The following GNAQ variants were observed in gnomAD, a reference collection of about 807,000 sequenced individuals.
The protein encoded by GNAQ is guanine nucleotide-binding protein G(q) subunit alpha.
A neutral mutation model predicts 43.9 loss-of-function variants in GNAQ; 8 were observed. That is an observed-to-expected ratio of 0.18 (90% CI 0.11 to 0.33). GNAQ has a LOEUF of 0.33. Among genes scored for constraint, GNAQ ranks in the 10% least tolerant of loss-of-function variants. GNAQ has a pLI of 1.00. For synonymous variants in GNAQ, 155 were observed against 170.7 expected (o/e 0.91, Z 0.71); for missense variants, 158 against 450.8 (o/e 0.35, Z 5.88).
chr9:78,019,547 T>C (rs1213737700), intron 1 of GNAQ, among the ~76,000 whole-genome samples: 1 of 152,246 alleles, frequency 6.6e-6, no homozygotes, highest in Non-Finnish European at 1.5e-5. Flanking sequence ...TACTGAGTTT[T>C]TCTCTCAAAT....
intron 2 of GNAQ, 96 bp downstream of exon 2, chr9:77,922,065 T>C: frequency 2.8e-6 from 2 of 705,918 alleles, no homozygotes; most frequent in African/African-American, 1.7e-5. Context: ...AACCCCCCTA[T>C]GCACTCCAGA....
At chr9:77,748,856 C>T (rs1437898965) in intron 5 of GNAQ, among the ~76,000 whole-genome samples, 1 of 152,134 alleles carries the variant, frequency 6.6e-6, no homozygotes. Flanking sequence ...GTACTGGAGC[C>T]AGTCCAGATG....
chr9:77,899,045 T>G (rs1828549751), intron 2 of GNAQ, among the ~76,000 whole-genome samples: 1 of 152,194 alleles, frequency 6.6e-6, no homozygotes, highest in Non-Finnish European at 1.5e-5. Context: ...TGTTTCCAAA[T>G]TTTCACTATT....
chr9:78,020,760 G>T (rs539007423), intron 1 of GNAQ, among the ~76,000 whole-genome samples: 1 of 152,070 alleles, frequency 6.6e-6, no homozygotes, highest in East Asian at 1.9e-4. Flanking sequence ...CAAGCCCCAC[G>T]GGACTCCCTA....
At position 77,944,681 on chromosome 9, in the gene GNAQ, T is replaced by C. The variant is rs151117027; in HGVS notation, c.137-22336A>G. On this transcript the variant is annotated intron_variant, in intron 1 of 6. Coordinates refer to ENST00000286548, the MANE Select transcript of GNAQ (RefSeq NM_002072.5). ...CGCAAGAGAAATCTGGTCTGCCACT[T>C]TGACACTAACTTAGCTTGCCCAGTG... 8.0e-3 allele frequency among the ~76,000 whole-genome samples: 1,218 copies of C among 152,282 alleles called. 13 individuals are homozygous for C. Among genetic ancestry groups the C allele is most frequent in the African/African-American group, 0.028 (1,156 of 41,542 alleles).
chr9:77,725,231 G>A (rs1169608867), intron 6 of GNAQ, among the ~76,000 whole-genome samples: 2 of 152,146 alleles, frequency 1.3e-5, no homozygotes, highest in South Asian at 2.1e-4. Context: ...ATCACAGCAG[G>A]AGCAGAATTC....
chr9:77,810,228 A>G (rs1224136869), intron 3 of GNAQ, among the ~76,000 whole-genome samples: 2 of 148,846 alleles, frequency 1.3e-5, no homozygotes, highest in Non-Finnish European at 3.0e-5. Flanking sequence ...CTATCTATCT[A>G]TCTATCTATC....
At chr9:77,999,160 G>C (rs1051090669) in intron 1 of GNAQ, among the ~76,000 whole-genome samples, 3 of 149,248 alleles carry the variant, frequency 2.0e-5, no homozygotes, top group African/African-American at 4.9e-5. Context: ...GGGTCAATCT[G>C]GCACAACTGT....
At chr9:77,962,101 A>T (rs925114402) in intron 1 of GNAQ, among the ~76,000 whole-genome samples, 1 of 152,188 alleles carries the variant, frequency 6.6e-6, no homozygotes, top group Admixed American at 6.5e-5. Context: ...GAACCTGATG[A>T]CACAAAAATA....
chr9:77,800,651 T>G (rs995802311), intron 3 of GNAQ, among the ~76,000 whole-genome samples: 16 of 152,152 alleles, frequency 1.1e-4, no homozygotes, highest in Non-Finnish European at 5.9e-5. Flanking sequence ...GCATGGCACA[T>G]GTATACATAT....
rs34540195 is a variant in GNAQ at position 77,778,214 on chromosome 9, T to TACACAC, written c.735+16243_735+16248dup. On this transcript the variant is annotated intron_variant, in intron 5 of 6. Coordinates refer to ENST00000286548, the MANE Select transcript of GNAQ (RefSeq NM_002072.5). Reference sequence around the variant, plus strand: ...TTATATATACATAGTTTTACACGTTTACACACACACACACACACACACACA... The same window carrying TACACAC: ...TTATATATACATAGTTTTACACGTTTACACACACACACACACACACACACACACACA... Among the ~76,000 whole-genome samples, 132 of 149,614 alleles carry TACACAC rather than the reference T, an allele frequency of 8.8e-4. 1 individual carries two copies. In the East Asian group the frequency reaches 0.011, roughly 12 times the overall value.
At chr9:77,838,070 G>C (rs1827420554) in intron 2 of GNAQ, among the ~76,000 whole-genome samples, 1 of 149,308 alleles carries the variant, frequency 6.7e-6, no homozygotes, top group Admixed American at 6.7e-5. Context: ...GGCTGGTCTT[G>C]AACTCCTGAC....
intron 2 of GNAQ, among the ~76,000 whole-genome samples, chr9:77,882,966 T>C (rs1828240062): frequency 1.3e-5 from 2 of 152,212 alleles, no homozygotes; most frequent in Admixed American, 6.5e-5. Flanking sequence ...ATCAAAGCCA[T>C]GTCTAAAAGA....
chr9:77,889,735 A>C (rs1828370904), intron 2 of GNAQ, among the ~76,000 whole-genome samples: 1 of 152,124 alleles, frequency 6.6e-6, no homozygotes, highest in African/African-American at 2.4e-5. Flanking sequence ...CACTGTATTC[A>C]ATTAGTATGC....
intron 5 of GNAQ, among the ~76,000 whole-genome samples, chr9:77,731,639 C>T (rs1825490865): frequency 6.6e-6 from 1 of 152,192 alleles, no homozygotes; most frequent in Admixed American, 6.5e-5. Context: ...TTTGAATGCA[C>T]ACTCAACTTT....
chr9:77,924,735 T>G (rs1217878532), intron 1 of GNAQ, among the ~76,000 whole-genome samples: 1 of 152,028 alleles, frequency 6.6e-6, no homozygotes, highest in African/African-American at 2.4e-5. Context: ...GGGCCAAACA[T>G]GTGACTGATG....
At chr9:77,774,224 T>A (rs1463832898) in intron 5 of GNAQ, among the ~76,000 whole-genome samples, 2 of 152,202 alleles carry the variant, frequency 1.3e-5, no homozygotes, top group East Asian at 1.9e-4. Context: ...CATAAAACTA[T>A]CTCCTTTATT....
intron 5 of GNAQ, among the ~76,000 whole-genome samples, chr9:77,754,271 A>G (rs1171028285): frequency 6.6e-6 from 1 of 152,110 alleles, no homozygotes; most frequent in Non-Finnish European, 1.5e-5. Flanking sequence ...CTGCATTCTG[A>G]CTGCCATTTT....
rs12351215 is a variant in GNAQ, at chr9:77,791,324, C to T, written c.735+3139G>A. Among the ~76,000 whole-genome samples, 543 of 152,292 alleles carry T rather than the reference C, an allele frequency of 3.6e-3. 5 individuals carry two copies. The highest frequency in any genetic ancestry group is 0.013 in the African/African-American group (523 of 41,564). ...TTAAAAGGCAGTGTTTGGATACACA[C>T]TGATAAACTAAAATATGTTATAAGC... On this transcript the variant is annotated intron_variant, in intron 5 of 6. Coordinates refer to ENST00000286548, the MANE Select transcript of GNAQ (RefSeq NM_002072.5).
Sources: gnomAD v4.1 joint callset for allele counts (sites outside exome capture counted in the v4.1 genomes callset) on GRCh38, gnomAD v4.1.1 for gene constraint, MANE v1.5 for transcripts, NCBI Gene and HGNC (gene_info 2026-07-23, HGNC 2026-07-21) for gene names.